Variants in SAXO5 observed in about 807,000 individuals in gnomAD.
SAXO5 encodes stabilizer of axonemal microtubules 5.
At chr19:7,500,996 C>G in the SAXO5 span, 1 of 1,532,444 alleles carries the variant, frequency 6.5e-7, no homozygotes, top group Non-Finnish European at 8.7e-7. Flanking sequence ...AGCCGCCGAG[C>G]CTGCAGCCGC....
chr19:7,499,876 CTG>C, the SAXO5 span: 1 of 151,732 alleles, frequency 6.6e-6, no homozygotes, highest in South Asian at 2.1e-4. Flanking sequence ...GCTCAGAAGA[CTG>C]AGGTGAGAGG....
At chr19:7,503,643 C>A in the SAXO5 span, among the ~76,000 whole-genome samples, 1 of 152,052 alleles carries the variant, frequency 6.6e-6, no homozygotes, top group Non-Finnish European at 1.5e-5. Context: ...TGCCAACACA[C>A]CCGGCTAATT....
At chr19:7,506,660 T>C in the SAXO5 span, 1 of 342,936 alleles carries the variant, frequency 2.9e-6, no homozygotes, top group Non-Finnish European at 5.5e-6. Context: ...CTCCCCTAGC[T>C]CCTCCGTCCT....
the SAXO5 span, chr19:7,508,321 C>A: frequency 6.2e-7 from 1 of 1,614,000 alleles, no homozygotes; most frequent in Non-Finnish European, 8.5e-7. Flanking sequence ...CTGAAAAATC[C>A]TCAGGAGGGC....
chr19:7,506,410 C>T, the SAXO5 span: 1 of 567,296 alleles, frequency 1.8e-6, no homozygotes. Flanking sequence ...AGAACCCCAA[C>T]TCTGCTCCTG....
chr19:7,498,115 G>C, the SAXO5 span, among the ~76,000 whole-genome samples: 2 of 143,900 alleles, frequency 1.4e-5, no homozygotes, highest in African/African-American at 5.3e-5. Context: ...AAAAAAAAAA[G>C]CAACAAACTT....
the SAXO5 span, chr19:7,500,993 G>A: frequency 5.2e-6 from 8 of 1,535,374 alleles, no homozygotes; most frequent in Admixed American, 1.9e-5. Flanking sequence ...GGGAGCCGCC[G>A]AGCCTGCAGC....
the SAXO5 span, chr19:7,506,286 G>A: frequency 2.4e-6 from 2 of 847,322 alleles, no homozygotes; most frequent in Non-Finnish European, 3.6e-6. Flanking sequence ...CCCCGTCCCG[G>A]GAAGCCCAGC....
the SAXO5 span, chr19:7,504,404 G>C: frequency 6.2e-7 from 1 of 1,613,870 alleles, no homozygotes; most frequent in Non-Finnish European, 8.5e-7. Flanking sequence ...GGATCTGCCT[G>C]AAGATAGGTA....
chr19:7,502,460 G>A, the SAXO5 span, among the ~76,000 whole-genome samples: 1 of 152,184 alleles, frequency 6.6e-6, no homozygotes, highest in Non-Finnish European at 1.5e-5. Flanking sequence ...CCAGCAGACA[G>A]CGGGTAGAGG....
chr19:7,501,433 C>T, the SAXO5 span: 3 of 1,451,200 alleles, frequency 2.1e-6, no homozygotes, highest in Non-Finnish European at 2.7e-6. Flanking sequence ...GGGCGATTTG[C>T]TTCACATTGT....
the SAXO5 span, chr19:7,504,029 A>T: frequency 1.1e-6 from 1 of 899,920 alleles, no homozygotes; most frequent in Non-Finnish European, 1.8e-6. Context: ...TCCCCTTCCC[A>T]GGCAAGAAAT....
the SAXO5 span, chr19:7,500,819 C>G: frequency 8.9e-6 from 13 of 1,467,232 alleles, no homozygotes; most frequent in Admixed American, 2.4e-5. Context: ...GCTGGTGTCC[C>G]GCGATGGCCA....
At chr19:7,506,383 C>T in the SAXO5 span, 1 of 600,512 alleles carries the variant, frequency 1.7e-6, no homozygotes, top group Non-Finnish European at 3.0e-6. Flanking sequence ...AAGGCTAAAT[C>T]CCACCCCCAA....
At chr19:7,505,474 G>A in the SAXO5 span, 2 of 1,613,242 alleles carry the variant, frequency 1.2e-6, no homozygotes, top group African/African-American at 1.3e-5. Context: ...GCCTCCCACC[G>A]CAGCCTCCCA....
chr19:7,498,314 G>A, the SAXO5 span, among the ~76,000 whole-genome samples: 2 of 151,506 alleles, frequency 1.3e-5, no homozygotes, highest in Admixed American at 6.6e-5. Flanking sequence ...AGGTTCAAGC[G>A]GTTCTCCCGC....
At chr19:7,506,312 C>A in the SAXO5 span, 1 of 718,182 alleles carries the variant, frequency 1.4e-6, no homozygotes, top group Non-Finnish European at 2.5e-6. Flanking sequence ...AAGCCTCGCC[C>A]TTGCCACTGC....
the SAXO5 span, chr19:7,506,786 G>T: frequency 4.5e-6 from 2 of 440,974 alleles, no homozygotes; most frequent in South Asian, 2.5e-5. Context: ...CTCCTCCCCT[G>T]GCTCCTTCCT....
At chr19:7,499,629 CAA>C in the SAXO5 span, 1 of 152,500 alleles carries the variant, frequency 6.6e-6, no homozygotes, top group Non-Finnish European at 1.5e-5. Flanking sequence ...AAATCTCAAG[CAA>C]ATGACCACCT....
Sources: allele counts gnomAD v4.1 joint callset (sites outside exome capture counted in the v4.1 genomes callset), GRCh38; gene constraint gnomAD v4.1.1; transcripts MANE v1.5; gene names NCBI Gene and HGNC (gene_info 2026-07-23, HGNC 2026-07-21).